NOL4: variants seen among roughly 807,000 people sequenced by gnomAD.
NOL4 encodes the protein nucleolar protein 4, also known as cancer/testis antigen 125.
NOL4 carries 17 observed loss-of-function variants against 75.9 expected under a neutral mutation model. That is an observed-to-expected ratio of 0.22 (90% CI 0.15 to 0.34). NOL4 has a LOEUF of 0.34. Among genes scored for constraint, NOL4 ranks in the 10% least tolerant of loss-of-function variants. NOL4 has a pLI of 1.00. For synonymous variants in NOL4, 292 were observed against 289.9 expected (o/e 1.01, Z -0.07); for missense variants, 614 against 793.5 (o/e 0.77, Z 2.72).
chr18:34,206,836 T>G (rs911392921), intron 1 of NOL4, among the ~76,000 whole-genome samples: 1 of 152,078 alleles, frequency 6.6e-6, no homozygotes, highest in African/African-American at 2.4e-5. Context: ...CCTTCTATGA[T>G]TCCACTGGCA....
chr18:33,866,055 T>C (rs980583920), intron 10 of NOL4, among the ~76,000 whole-genome samples: 2 of 152,166 alleles, frequency 1.3e-5, no homozygotes, highest in African/African-American at 2.4e-5. Flanking sequence ...TTATAGACTG[T>C]ACTCCCCCAC....
intron 9 of NOL4, among the ~76,000 whole-genome samples, chr18:33,899,960 G>A (rs2167690): frequency 0.16 from 23,718 of 152,006 alleles, 2,095 homozygotes; most frequent in Non-Finnish European, 0.21. Context: ...TAAACTGATA[G>A]GCAAATTATA....
chr18:34,099,542 C>T (rs2078948935), intron 4 of NOL4, among the ~76,000 whole-genome samples: 1 of 151,934 alleles, frequency 6.6e-6, no homozygotes, highest in Non-Finnish European at 1.5e-5. Flanking sequence ...AACTGCACAT[C>T]CTCCAAAACC....
At chr18:33,876,128 T>A (rs2063923090) in intron 10 of NOL4, among the ~76,000 whole-genome samples, 1 of 152,074 alleles carries the variant, frequency 6.6e-6, no homozygotes. Context: ...ACATGAGAAC[T>A]CCAAAATATT....
At chr18:33,866,237 G>A (rs866030024) in intron 10 of NOL4, among the ~76,000 whole-genome samples, 7 of 152,118 alleles carry the variant, frequency 4.6e-5, no homozygotes, top group Admixed American at 1.3e-4. Context: ...TCTCCCACAC[G>A]TTTGAAAAAT....
chr18:34,155,648 A>G lies in NOL4; in HGVS notation c.265-25628T>C, dbSNP rs1600742052. Among the ~76,000 whole-genome samples, 4 of 152,204 alleles carry G rather than the reference A, an allele frequency of 2.6e-5. No homozygotes were observed. The South Asian group carries it at 8.3e-4, about 32-fold the overall frequency. ...TAATTTTAATACAGTGGGTATTTAT[A>G]TATTTAAATATAGAAAAGGTATGTA... On this transcript the variant is annotated intron_variant, in intron 1 of 10. Coordinates refer to ENST00000261592, the MANE Select transcript of NOL4 (RefSeq NM_003787.5).
chr18:34,058,200 C>A (rs552997582), intron 5 of NOL4, among the ~76,000 whole-genome samples: 1 of 152,266 alleles, frequency 6.6e-6, no homozygotes, highest in Admixed American at 6.5e-5. Context: ...ATGGCACGAT[C>A]TCGGCTCACT....
intron 5 of NOL4, among the ~76,000 whole-genome samples, chr18:34,062,201 A>T (rs1205697901): frequency 6.6e-6 from 1 of 152,060 alleles, no homozygotes; most frequent in African/African-American, 2.4e-5. Context: ...TGTACCACTG[A>T]ACTTTAAAAA....
chr18:34,146,679 T>C (rs2081411739), intron 1 of NOL4, among the ~76,000 whole-genome samples: 2 of 152,286 alleles, frequency 1.3e-5, no homozygotes, highest in Non-Finnish European at 2.9e-5. Flanking sequence ...AGCTTTGTTC[T>C]TTTTGTTTAT....
At chr18:33,887,595 G>A (rs1439123978) in intron 9 of NOL4, among the ~76,000 whole-genome samples, 1 of 151,626 alleles carries the variant, frequency 6.6e-6, no homozygotes, top group Non-Finnish European at 1.5e-5. Context: ...ACAGGCGCCA[G>A]TGTGTGATGT....
chr18:33,938,642 ATTTG>A (rs1212980748), intron 9 of NOL4, among the ~76,000 whole-genome samples: 3 of 152,034 alleles, frequency 2.0e-5, no homozygotes, highest in Non-Finnish European at 1.5e-5. Flanking sequence ...TTTCTCGTAA[ATTTG>A]TTTAAGTTCC....
At chr18:34,102,778 T>C (rs778872865) in intron 4 of NOL4, among the ~76,000 whole-genome samples, 1 of 151,934 alleles carries the variant, frequency 6.6e-6, no homozygotes, top group Non-Finnish European at 1.5e-5. Context: ...TTTTTTCAAC[T>C]ATATAATGAA....
At chr18:34,162,654 G>C (rs994723349) in intron 1 of NOL4, among the ~76,000 whole-genome samples, 2 of 152,136 alleles carry the variant, frequency 1.3e-5, no homozygotes, top group Non-Finnish European at 2.9e-5. Flanking sequence ...AATTCTACCA[G>C]AGGAGGTACA....
chr18:33,879,830 G>A (rs904261147), intron 10 of NOL4, among the ~76,000 whole-genome samples: 2 of 151,860 alleles, frequency 1.3e-5, no homozygotes, highest in African/African-American at 2.4e-5. Flanking sequence ...ATAGCCTTGA[G>A]CATATCTCTT....
At chr18:33,898,062 C>T (rs775623002) in intron 9 of NOL4, among the ~76,000 whole-genome samples, 1 of 152,002 alleles carries the variant, frequency 6.6e-6, no homozygotes, top group Admixed American at 6.6e-5. Context: ...TGGGCATCAC[C>T]ATACCCAGAC....
At chr18:34,163,226 G>A (rs1174904036) in intron 1 of NOL4, among the ~76,000 whole-genome samples, 2 of 152,060 alleles carry the variant, frequency 1.3e-5, no homozygotes, top group Non-Finnish European at 1.5e-5. Context: ...ACATAGTGTT[G>A]GAAGTTCTGG....
intron 10 of NOL4, among the ~76,000 whole-genome samples, chr18:33,853,295 C>G (rs1457175159): frequency 6.6e-6 from 1 of 151,900 alleles, no homozygotes; most frequent in African/African-American, 2.4e-5. Context: ...ATGGTGAAAA[C>G]TTTCTTGGAA....
chr18:34,219,152 T>C (rs1466575441), intron 1 of NOL4, among the ~76,000 whole-genome samples: 2 of 152,192 alleles, frequency 1.3e-5, no homozygotes, highest in Non-Finnish European at 2.9e-5. Flanking sequence ...GATAATGCAT[T>C]TTCCTTTCTG....
At chr18:34,081,191 T>C (rs1223920564) in intron 5 of NOL4, among the ~76,000 whole-genome samples, 2 of 152,154 alleles carry the variant, frequency 1.3e-5, no homozygotes, top group Non-Finnish European at 2.9e-5. Flanking sequence ...TTTAAGTACT[T>C]TTAATGAATG....
Sources: allele counts gnomAD v4.1 joint callset (sites outside exome capture counted in the v4.1 genomes callset), GRCh38; gene constraint gnomAD v4.1.1; transcripts MANE v1.5; gene names NCBI Gene and HGNC (gene_info 2026-07-23, HGNC 2026-07-21).